Variants in CERS3 observed in about 807,000 individuals in gnomAD.
CERS3 encodes the protein LAG1 homolog, ceramide synthase 3.
In CERS3, 33 loss-of-function variants were observed where a neutral mutation model predicts 50.3. That is an observed-to-expected ratio of 0.66 (90% CI 0.50 to 0.88). CERS3 has a LOEUF of 0.88. Ranked by LOEUF, CERS3 falls within the 40% of genes least tolerant of loss-of-function variation. The probability of loss-of-function intolerance (pLI) is 0.00; values close to 1 mark genes in which losing one functional copy is unlikely to be tolerated. For missense variants in CERS3, 470 were observed against 460.3 expected, an observed-to-expected ratio of 1.02 and a Z score of -0.19; for synonymous variants, 176 against 155.2, an observed-to-expected ratio of 1.13 and a Z score of -0.99.
chr15:100,412,143 T>C (rs1031483177), intron 11 of CERS3, among the ~76,000 whole-genome samples: 1 of 152,250 alleles, frequency 6.6e-6, no homozygotes, highest in Non-Finnish European at 1.5e-5. Flanking sequence ...CATTTTTTCA[T>C]TTATTGTCTG....
intron 11 of CERS3, among the ~76,000 whole-genome samples, chr15:100,419,052 T>C (rs1428334581): frequency 5.0e-5 from 6 of 121,082 alleles, no homozygotes; most frequent in African/African-American, 1.5e-4. Context: ...GCTAACATCA[T>C]AATGACAGGA....
chr15:100,489,581 G>A lies in CERS3; in HGVS notation c.288+1236C>T, dbSNP rs78999964. On this transcript the variant is annotated intron_variant, in intron 4 of 11. Transcript: ENST00000679737. The stretch of plus-strand genomic sequence containing the variant: ...ATACAAAGTATTACTAAAGTTAGTT[G>A]TTCCCAAACAAAGAAGGATAATAAA... 4.3e-3 allele frequency among the ~76,000 whole-genome samples: 651 copies of A among 152,226 alleles called. 6 individuals carry two copies. Among genetic ancestry groups the A allele is most frequent in the African/African-American group, 0.015 (617 of 41,520 alleles).
chr15:100,467,097 C>A (rs2034769265), intron 10 of CERS3, among the ~76,000 whole-genome samples: 1 of 151,880 alleles, frequency 6.6e-6, no homozygotes, highest in East Asian at 1.9e-4. Context: ...TTCAGGTGAT[C>A]CACCTGCCTC....
chr15:100,490,771 TAAGA>T (rs765816567), intron 4 of CERS3, 42 bp downstream of exon 4: 1 of 1,198,802 alleles, frequency 8.3e-7, no homozygotes, highest in African/African-American at 1.5e-5. Context: ...ATTGAACCAT[TAAGA>T]AAGAAGATTT....
chr15:100,536,497 C>T (rs1262550289), intron 1 of CERS3, among the ~76,000 whole-genome samples: 1 of 152,156 alleles, frequency 6.6e-6, no homozygotes, highest in African/African-American at 2.4e-5. Flanking sequence ...GTTGCCCAGG[C>T]TGGTCTCGAA....
intron 2 of CERS3, among the ~76,000 whole-genome samples, chr15:100,504,724 T>G (rs2654621): frequency 0.93 from 141,798 of 152,232 alleles, 66,122 homozygotes; most frequent in South Asian, 0.98. Context: ...GACCACGGAC[T>G]GCAGACTTGA....
At chr15:100,512,332 C>T (rs958126708) in intron 2 of CERS3, among the ~76,000 whole-genome samples, 1 of 152,114 alleles carries the variant, frequency 6.6e-6, no homozygotes, top group Non-Finnish European at 1.5e-5. Context: ...AAGGGTTTTG[C>T]TTTTGAGATC....
At chr15:100,415,608 G>C (rs1307480500) in intron 11 of CERS3, among the ~76,000 whole-genome samples, 1 of 152,186 alleles carries the variant, frequency 6.6e-6, no homozygotes. Context: ...ATACTATGCA[G>C]TTATAAAAAG....
At chr15:100,445,089 C>T (rs1243354136) in intron 11 of CERS3, among the ~76,000 whole-genome samples, 9 of 135,166 alleles carry the variant, frequency 6.7e-5, no homozygotes, top group Admixed American at 3.8e-4. Context: ...ATACTTTTAC[C>T]ACTTTCCCTT....
intron 3 of CERS3, among the ~76,000 whole-genome samples, chr15:100,493,766 T>C (rs754945055): frequency 6.6e-6 from 1 of 152,226 alleles, no homozygotes; most frequent in Non-Finnish European, 1.5e-5. Flanking sequence ...AAATATGCTA[T>C]TGAGCCTCTC....
At chr15:100,493,040 G>T (rs2035699009) in intron 3 of CERS3, among the ~76,000 whole-genome samples, 1 of 152,126 alleles carries the variant, frequency 6.6e-6, no homozygotes. Flanking sequence ...GATCAACACA[G>T]ATTTAGATTA....
chr15:100,543,723 T>C (rs993186806), intron 1 of CERS3, among the ~76,000 whole-genome samples: 2 of 151,952 alleles, frequency 1.3e-5, no homozygotes, highest in Non-Finnish European at 2.9e-5. Flanking sequence ...AGAGACGGGG[T>C]TTCACCATGT....
At chr15:100,528,757 C>T (rs950990371) in intron 1 of CERS3, 56 bp downstream of exon 1, 3 of 152,340 alleles carry the variant, frequency 2.0e-5, no homozygotes, top group Admixed American at 6.5e-5. Context: ...GGAATCACGG[C>T]CACCTTGGTT....
At chr15:100,429,502 G>A (rs897758925) in intron 11 of CERS3, among the ~76,000 whole-genome samples, 2 of 152,168 alleles carry the variant, frequency 1.3e-5, no homozygotes, top group South Asian at 4.1e-4. Flanking sequence ...ACCCCTGCCT[G>A]TGTCTCTGCA....
chr15:100,535,345 C>G (rs2037044487), intron 1 of CERS3, among the ~76,000 whole-genome samples: 1 of 152,218 alleles, frequency 6.6e-6, no homozygotes, highest in East Asian at 1.9e-4. Context: ...CAGTCATTAA[C>G]TCATTCAGCC....
rs139133483 is a variant in CERS3 at position 100,542,113 on chromosome 15, G to A, written c.-355+2538C>T. ...AACTAATTATTACAATAAGCATTAA[G>A]TGCTTCAACCTTTGCTCAAAATTAA... On this transcript the variant is annotated intron_variant, in intron 1 of 12. Transcript: ENST00000284382. Among the ~76,000 whole-genome samples, 160 of 152,156 alleles carry A rather than the reference G, an allele frequency of 1.1e-3. 3 individuals are homozygous for A. The East Asian group carries it at 0.029, about 27-fold the overall frequency.
chr15:100,515,805 G>A (rs1016791536), intron 2 of CERS3, among the ~76,000 whole-genome samples: 9 of 152,188 alleles, frequency 5.9e-5, no homozygotes, highest in African/African-American at 2.2e-4. Flanking sequence ...TGGGTAAGTA[G>A]GCAATGGTGT....
intron 4 of CERS3, among the ~76,000 whole-genome samples, chr15:100,490,189 T>C (rs1461141311): frequency 6.6e-6 from 1 of 152,204 alleles, no homozygotes; most frequent in Non-Finnish European, 1.5e-5. Flanking sequence ...TTTTTTTAAC[T>C]ATTAGATTAA....
rs182999385 is a variant in CERS3, at chr15:100,440,573, C to T, written c.999+15320G>A. On this transcript the variant is annotated intron_variant, in intron 11 of 11. Transcript: ENST00000679737. Reference sequence around the variant, plus strand: ...AAACAGCCTTGTTGCTTACACAAAGCCTGTTTGGTGGTCTCTTCACACGGA... The same window carrying T: ...AAACAGCCTTGTTGCTTACACAAAGTCTGTTTGGTGGTCTCTTCACACGGA... Among the ~76,000 whole-genome samples, 377 of 152,364 alleles carry T rather than the reference C, an allele frequency of 2.5e-3. 2 individuals are homozygous for T. Among genetic ancestry groups the T allele is most frequent in the Admixed American group, 5.9e-3 (90 of 15,304 alleles).
Sources: gnomAD v4.1 joint callset for allele counts (sites outside exome capture counted in the v4.1 genomes callset) on GRCh38, gnomAD v4.1.1 for gene constraint, MANE v1.5 for transcripts, NCBI Gene and HGNC (gene_info 2026-07-23, HGNC 2026-07-21) for gene names.